Variants in CADPS2 observed in about 807,000 individuals in gnomAD.
CADPS2 encodes the protein calcium dependent secretion activator 2.
Under a neutral mutation model 172.5 loss-of-function variants are expected in CADPS2, and 93 were observed. That is an observed-to-expected ratio of 0.54 (90% CI 0.46 to 0.64). The LOEUF is 0.64. Ranked by LOEUF, CADPS2 falls within the 30% of genes least tolerant of loss-of-function variation. The pLI is 0.00. For missense variants in CADPS2, 1,420 were observed against 1,565.9 expected (o/e 0.91, Z 1.57); for synonymous variants, 546 against 555.2 (o/e 0.98, Z 0.23).
rs1408842220 is a variant in CADPS2, at chr7:122,370,360, TG to T, written c.3387+9007del. On this transcript the variant is annotated intron_variant, in intron 25 of 29. Transcript: ENST00000449022. ...CATCCTGAAACTCTACATTGCCTCA[TG>T]GCTGTGAATTTCAATCCTTTTTAAA... Among the ~76,000 whole-genome samples, 3 of 152,210 alleles carry T rather than the reference TG, an allele frequency of 2.0e-5. No individual in the cohort carries two copies. The East Asian group carries it at 5.8e-4, about 29-fold the overall frequency.
chr7:122,863,509 G>A (rs991207095), intron 1 of CADPS2, among the ~76,000 whole-genome samples: 5 of 152,186 alleles, frequency 3.3e-5, no homozygotes, highest in East Asian at 3.9e-4. Flanking sequence ...GTCTACTAGG[G>A]AGTATTAATA....
intron 2 of CADPS2, among the ~76,000 whole-genome samples, chr7:122,735,882 T>C (rs1390971988): frequency 6.6e-6 from 1 of 152,184 alleles, no homozygotes; most frequent in East Asian, 1.9e-4. Flanking sequence ...ATTCAAATAT[T>C]GAATTTTACA....
At chr7:122,854,597 A>G (rs1462663003) in intron 1 of CADPS2, among the ~76,000 whole-genome samples, 2 of 152,226 alleles carry the variant, frequency 1.3e-5, no homozygotes, top group African/African-American at 4.8e-5. Flanking sequence ...TGTGCTGCAC[A>G]CATGCAAGGA....
chr7:122,788,182 G>A (rs1215912328), intron 1 of CADPS2, among the ~76,000 whole-genome samples: 1 of 152,160 alleles, frequency 6.6e-6, no homozygotes, highest in African/African-American at 2.4e-5. Flanking sequence ...ACTATAAAGT[G>A]TCTTAACAAC....
chr7:122,637,171 CTTTTT>C (rs71161313), intron 3 of CADPS2, among the ~76,000 whole-genome samples: 54 of 53,862 alleles, frequency 1.0e-3, no homozygotes, highest in Non-Finnish European at 1.5e-3. Context: ...TGAAATTTTG[CTTTTT>C]TTTTTTTTTT....
chr7:122,880,632 A>G (rs1822654554), intron 1 of CADPS2, among the ~76,000 whole-genome samples: 1 of 152,198 alleles, frequency 6.6e-6, no homozygotes, highest in Non-Finnish European at 1.5e-5. Flanking sequence ...AAGTTTTAAC[A>G]CTATACCCCC....
At chr7:122,486,265 A>G (rs2057804056) in intron 11 of CADPS2, among the ~76,000 whole-genome samples, 1 of 152,232 alleles carries the variant, frequency 6.6e-6, no homozygotes, top group Admixed American at 6.5e-5. Context: ...GGAAAAGTAA[A>G]TTGAAAACCT....
intron 29 of CADPS2, among the ~76,000 whole-genome samples, chr7:122,322,972 A>T (rs758012829): frequency 6.6e-6 from 1 of 152,200 alleles, no homozygotes; most frequent in Non-Finnish European, 1.5e-5. Flanking sequence ...AGTGACCTGG[A>T]TGGAAGGAAA....
chr7:122,653,522 T>C (rs2135060054), intron 3 of CADPS2, among the ~76,000 whole-genome samples: 1 of 152,336 alleles, frequency 6.6e-6, no homozygotes, highest in East Asian at 1.9e-4. Context: ...TTAACCTTTG[T>C]TGGAATATAA....
chr7:122,639,823 G>A (rs950477337), intron 3 of CADPS2, among the ~76,000 whole-genome samples: 2 of 152,166 alleles, frequency 1.3e-5, no homozygotes, highest in African/African-American at 4.8e-5. Flanking sequence ...TTTTAGGTCT[G>A]CAGCCTCTGA....
At chr7:122,729,551 A>C (rs2091439183) in intron 2 of CADPS2, among the ~76,000 whole-genome samples, 1 of 151,676 alleles carries the variant, frequency 6.6e-6, no homozygotes. Context: ...CCTTTTTAAT[A>C]ATAGCCATTC....
At chr7:122,344,568 T>C (rs1442899788) in intron 28 of CADPS2, among the ~76,000 whole-genome samples, 1 of 152,338 alleles carries the variant, frequency 6.6e-6, no homozygotes, top group East Asian at 1.9e-4. Flanking sequence ...TTTTAGCACA[T>C]ATCAGTACTT....
chr7:122,447,213 C>G lies in CADPS2; in HGVS notation c.2288+4161G>C, dbSNP rs1243593705. The stretch of plus-strand genomic sequence containing the variant: ...TGAGACACAGTATTTTCTATGATTA[C>G]TTTCCATGCCTTGCTCAATAGTTTG... On this transcript the variant is annotated intron_variant, in intron 15 of 29. Coordinates refer to ENST00000449022, the MANE Select transcript of CADPS2 (RefSeq NM_017954.11). Among the ~76,000 whole-genome samples, 3 of 152,012 alleles carry G rather than the reference C, an allele frequency of 2.0e-5. No homozygotes were observed. The South Asian group carries it at 6.2e-4, about 32-fold the overall frequency.
intron 2 of CADPS2, among the ~76,000 whole-genome samples, chr7:122,705,215 C>G (rs1276181048): frequency 1.3e-5 from 2 of 151,430 alleles, no homozygotes; most frequent in Non-Finnish European, 2.9e-5. Flanking sequence ...TATATTTTAT[C>G]AGAATGAGGT....
intron 12 of CADPS2, among the ~76,000 whole-genome samples, chr7:122,477,580 G>A (rs1296197669): frequency 1.4e-5 from 2 of 146,618 alleles, no homozygotes; most frequent in Non-Finnish European, 3.0e-5. Flanking sequence ...ACCAAAAACT[G>A]TAAAGTGAAA....
intron 27 of CADPS2, among the ~76,000 whole-genome samples, chr7:122,352,252 ATC>A (rs1246961329): frequency 6.6e-6 from 1 of 152,234 alleles, no homozygotes; most frequent in African/African-American, 2.4e-5. Flanking sequence ...ATGGTTTTAA[ATC>A]TCTCAGTTCA....
rs529159679 is a variant in CADPS2, at chr7:122,681,399, T to A, written c.454-17830A>T. ...TGTTCGCTGTACTAACTGTGCCCGA[T>A]GCGTGCCCAAGGACAAGGCCATTAA... On this transcript the variant is annotated intron_variant, in intron 2 of 29. Coordinates refer to ENST00000449022, the MANE Select transcript of CADPS2 (RefSeq NM_017954.11). The A allele has an allele frequency of 1.4e-5, 21 of 1,497,188 alleles. No homozygotes were observed. In the East Asian group the frequency reaches 4.7e-4, roughly 34 times the overall value. The allele number at this position is 1,497,188 out of a possible 1,614,324, so 92.7% of individuals were successfully genotyped here. A position where few individuals can be genotyped will look rare whatever the true frequency, so the allele number is the denominator to read the frequency against.
At chr7:122,470,990 C>T (rs983911950) in intron 14 of CADPS2, among the ~76,000 whole-genome samples, 1 of 152,140 alleles carries the variant, frequency 6.6e-6, no homozygotes, top group African/African-American at 2.4e-5. Flanking sequence ...AGAGGAAAAG[C>T]AATGATCATT....
chr7:122,578,285 C>A (rs879617713), intron 7 of CADPS2, among the ~76,000 whole-genome samples: 15 of 151,990 alleles, frequency 9.9e-5, no homozygotes, highest in Admixed American at 2.6e-4. Context: ...CAATTTTTTC[C>A]AATTGTGTGT....
Sources: allele counts gnomAD v4.1 joint callset (sites outside exome capture counted in the v4.1 genomes callset), GRCh38; gene constraint gnomAD v4.1.1; transcripts MANE v1.5; gene names NCBI Gene and HGNC (gene_info 2026-07-23, HGNC 2026-07-21).